The following CAST variants were observed in gnomAD, a reference collection of about 807,000 sequenced individuals.
The protein encoded by CAST is calpastatin, also known as MIR583 host.
CAST carries 76 observed loss-of-function variants against 119.6 expected under a neutral mutation model. The ratio of observed to expected loss-of-function variants is 0.64; its 90% CI spans 0.53 to 0.77. CAST has a LOEUF of 0.77. Among genes scored for constraint, CAST ranks in the 30% least tolerant of loss-of-function variants. The pLI is 0.00. For missense variants in CAST, 953 were observed against 946.5 expected (o/e 1.01, Z -0.09); for synonymous variants, 319 against 331.6 (o/e 0.96, Z 0.41).
chr5:96,509,613 T>C, the CAST span, among the ~76,000 whole-genome samples: 2 of 152,164 alleles, frequency 1.3e-5, no homozygotes, highest in African/African-American at 2.4e-5. Flanking sequence ...ATAACCTGGA[T>C]TGGCTATGGG....
intron 1 of CAST, among the ~76,000 whole-genome samples, chr5:96,587,130 G>C (rs1180505905): frequency 6.6e-6 from 1 of 152,048 alleles, no homozygotes; most frequent in Non-Finnish European, 1.5e-5. Flanking sequence ...ATAGAATTTT[G>C]TGTTCAGAAA....
At chr5:96,091,161 C>T in the CAST span, among the ~76,000 whole-genome samples, 1 of 151,550 alleles carries the variant, frequency 6.6e-6, no homozygotes, top group Non-Finnish European at 1.5e-5. Flanking sequence ...GCCAGCCTTG[C>T]TCATTTTTAG....
chr5:96,204,192 CA>C, the CAST span, among the ~76,000 whole-genome samples: 2 of 152,016 alleles, frequency 1.3e-5, no homozygotes, highest in African/African-American at 4.8e-5. Context: ...CCCAGTCTCA[CA>C]GACCAGCCTG....
the CAST span, among the ~76,000 whole-genome samples, chr5:96,466,384 A>G: frequency 6.6e-6 from 1 of 152,156 alleles, no homozygotes; most frequent in African/African-American, 2.4e-5. Flanking sequence ...ATTTTGAAAT[A>G]AAATGAGTGT....
At chr5:96,304,793 T>C in the CAST span, among the ~76,000 whole-genome samples, 366 of 152,354 alleles carry the variant, frequency 2.4e-3, 1 homozygote, top group African/African-American at 8.5e-3. Flanking sequence ...GCCTCTGTTC[T>C]GTTCCATTGG....
chr5:96,215,064 A>G, the CAST span: 2 of 152,178 alleles, frequency 1.3e-5, no homozygotes, highest in African/African-American at 4.8e-5. Context: ...ATTGCAGAGA[A>G]GAAGAAACCA....
chr5:96,634,866 T>C (rs1747866562), intron 1 of CAST, among the ~76,000 whole-genome samples: 1 of 152,212 alleles, frequency 6.6e-6, no homozygotes, highest in Non-Finnish European at 1.5e-5. Context: ...GCATTCTGAC[T>C]GTGCGATTTG....
chr5:96,249,661 G>A, the CAST span, among the ~76,000 whole-genome samples: 2 of 152,182 alleles, frequency 1.3e-5, no homozygotes, highest in Non-Finnish European at 2.9e-5. Flanking sequence ...TGACATAAAA[G>A]TTAGCTAGAT....
At chr5:96,217,124 G>A in the CAST span, among the ~76,000 whole-genome samples, 8 of 151,400 alleles carry the variant, frequency 5.3e-5, no homozygotes, top group South Asian at 4.2e-4. Flanking sequence ...TTGTAGTCTC[G>A]AACTCCTGGA....
the CAST span, among the ~76,000 whole-genome samples, chr5:95,979,639 C>T: frequency 1.3e-5 from 2 of 152,104 alleles, no homozygotes; most frequent in Non-Finnish European, 2.9e-5. Flanking sequence ...TTTAAGTTTA[C>T]TAGTGGTCTT....
chr5:96,615,583 C>T (rs890082188), intron 1 of CAST, among the ~76,000 whole-genome samples: 3 of 152,182 alleles, frequency 2.0e-5, no homozygotes, highest in Non-Finnish European at 1.5e-5. Context: ...TCAACCTGCT[C>T]CACCACGCCA....
intron 16 of CAST, among the ~76,000 whole-genome samples, chr5:96,744,482 C>T (rs1279845438): frequency 6.6e-6 from 1 of 152,146 alleles, no homozygotes; most frequent in African/African-American, 2.4e-5. Context: ...GAGCTCCGCC[C>T]CCATGATTCA....
the CAST span, among the ~76,000 whole-genome samples, chr5:96,195,830 A>G: frequency 6.6e-6 from 1 of 152,214 alleles, no homozygotes; most frequent in Non-Finnish European, 1.5e-5. Flanking sequence ...CCAGTCTCAA[A>G]TCACATATTA....
chr5:96,235,695 C>T, the CAST span, among the ~76,000 whole-genome samples: 1 of 152,156 alleles, frequency 6.6e-6, no homozygotes, highest in South Asian at 2.1e-4. Context: ...TGGCCCTAAA[C>T]CTCACTGGGT....
chr5:96,165,649 C>G, the CAST span, among the ~76,000 whole-genome samples: 1 of 152,184 alleles, frequency 6.6e-6, no homozygotes, highest in African/African-American at 2.4e-5. Flanking sequence ...TCACAGACTG[C>G]TTTTATTGAT....
chr5:96,357,122 GCT>G, the CAST span, among the ~76,000 whole-genome samples: 1 of 151,990 alleles, frequency 6.6e-6, no homozygotes, highest in East Asian at 1.9e-4. Flanking sequence ...TCATGATCTG[GCT>G]CTCTGTTTGT....
chr5:96,201,382 C>A, the CAST span, among the ~76,000 whole-genome samples: 1 of 152,082 alleles, frequency 6.6e-6, no homozygotes, highest in Admixed American at 6.6e-5. Flanking sequence ...TGGGATCCTG[C>A]ACATTAATTC....
chr5:96,110,574 CCTGTT>C, the CAST span, among the ~76,000 whole-genome samples: 4 of 152,262 alleles, frequency 2.6e-5, no homozygotes, highest in African/African-American at 9.6e-5. Context: ...ACTTCAGTCT[CCTGTT>C]CTTTTTACTC....
rs1376644637 is a variant in CAST at position 96,740,796 on chromosome 5, A to G, written c.918+13A>G. 3 of 1,538,776 alleles carry G rather than the reference A, an allele frequency of 1.9e-6. No homozygotes were observed. The highest frequency in any genetic ancestry group is 2.7e-6 in the Non-Finnish European group (3 of 1,111,362). ...TGCAGACTCTTCGGTGAGTTTACAT[A>G]CATGTCTTCTGATCTAAATTAATAG... On this transcript the variant is annotated intron_variant, in intron 13 of 31. Transcript: ENST00000675179.
Sources: gnomAD v4.1 joint callset for allele counts (sites outside exome capture counted in the v4.1 genomes callset) on GRCh38, gnomAD v4.1.1 for gene constraint, MANE v1.5 for transcripts, NCBI Gene and HGNC (gene_info 2026-07-23, HGNC 2026-07-21) for gene names.